The following CDH12 variants were observed in gnomAD, a reference collection of about 807,000 sequenced individuals.
The protein encoded by CDH12 is cadherin-12.
In CDH12, 41 loss-of-function variants were observed where a neutral mutation model predicts 74.1. That is an observed-to-expected ratio of 0.55 (90% confidence interval 0.43 to 0.72). The LOEUF (loss-of-function observed/expected upper bound fraction) is 0.72. CDH12 is among the 30% of genes least tolerant of loss of function. The pLI, the probability that CDH12 is intolerant of heterozygous loss-of-function variation, is 0.00. For synonymous variants in CDH12, 399 were observed against 355.0 expected (o/e 1.12, Z -1.39); for missense variants, 945 against 977.2 (o/e 0.97, Z 0.44).
chr5:22,580,279 T>G lies in CDH12; in HGVS notation c.-522-74915A>C, dbSNP rs115050509. ...CTCAGATAATCATTCAAACATTGGA[T>G]GGCAAAGAGGTCGTCGATGTCAAGC... is the stretch of plus-strand genomic sequence containing the variant. On this transcript the variant is annotated intron_variant, in intron 1 of 14. Coordinates refer to ENST00000382254, the MANE Select transcript of CDH12 (RefSeq NM_004061.5). 3,088 of 370,036 alleles carry G rather than the reference T, an allele frequency of 8.3e-3. 25 individuals are homozygous for G. The highest frequency in any genetic ancestry group is 9.4e-3 in the Non-Finnish European group (1,730 of 183,622). 22.9% of individuals were successfully genotyped at this position (370,036 alleles called of 1,614,324 possible).
chr5:22,195,376 G>A (rs2150349970), intron 4 of CDH12, among the ~76,000 whole-genome samples: 1 of 152,192 alleles, frequency 6.6e-6, no homozygotes, highest in East Asian at 1.9e-4. Flanking sequence ...ATTAAAGAGT[G>A]ACAAAAATTG....
chr5:22,387,849 T>A (rs1332834071), intron 3 of CDH12, among the ~76,000 whole-genome samples: 1 of 152,176 alleles, frequency 6.6e-6, no homozygotes, highest in East Asian at 1.9e-4. Flanking sequence ...AGAGCTTTTT[T>A]CTTTTTATGT....
At chr5:22,846,097 A>G (rs897677430) in intron 1 of CDH12, among the ~76,000 whole-genome samples, 1 of 152,148 alleles carries the variant, frequency 6.6e-6, no homozygotes, top group African/African-American at 2.4e-5. Context: ...TGGAATGGAG[A>G]GGAGCAAAGT....
intron 4 of CDH12, among the ~76,000 whole-genome samples, chr5:22,162,824 C>T (rs1391193516): frequency 6.6e-6 from 1 of 151,302 alleles, no homozygotes; most frequent in Non-Finnish European, 1.5e-5. Context: ...ACCTAGCTCT[C>T]AATACACCCT....
chr5:22,632,445 A>G (rs1159216108), intron 1 of CDH12, among the ~76,000 whole-genome samples: 1 of 152,208 alleles, frequency 6.6e-6, no homozygotes, highest in Non-Finnish European at 1.5e-5. Context: ...ATCACCAAAT[A>G]CAGAGCAACA....
chr5:22,663,427 A>C (rs1740449111), intron 1 of CDH12, among the ~76,000 whole-genome samples: 1 of 152,302 alleles, frequency 6.6e-6, no homozygotes, highest in South Asian at 2.1e-4. Context: ...ATAGCCTAAA[A>C]ACCCACACAT....
intron 1 of CDH12, among the ~76,000 whole-genome samples, chr5:22,596,729 A>G (rs1411745273): frequency 6.6e-6 from 1 of 152,188 alleles, no homozygotes; most frequent in East Asian, 1.9e-4. Flanking sequence ...GGAATTTACT[A>G]ATTTACAGGC....
At chr5:22,319,846 G>C (rs1404040254) in intron 3 of CDH12, among the ~76,000 whole-genome samples, 1 of 151,750 alleles carries the variant, frequency 6.6e-6, no homozygotes, top group Non-Finnish European at 1.5e-5. Context: ...AAAGGGGAAG[G>C]AAGAGGAGGG....
chr5:22,375,334 A>G (rs984493629), intron 3 of CDH12, among the ~76,000 whole-genome samples: 3 of 152,182 alleles, frequency 2.0e-5, no homozygotes, highest in Non-Finnish European at 4.4e-5. Flanking sequence ...CTGAAACTAT[A>G]AAATTATTAG....
intron 2 of CDH12, among the ~76,000 whole-genome samples, chr5:22,469,815 T>C (rs1745883477): frequency 6.6e-6 from 1 of 152,148 alleles, no homozygotes; most frequent in African/African-American, 2.4e-5. Context: ...AGTCAATGTG[T>C]CCAAACACTC....
At chr5:21,869,305 T>C (rs1327228252) in intron 6 of CDH12, among the ~76,000 whole-genome samples, 2 of 152,074 alleles carry the variant, frequency 1.3e-5, no homozygotes, top group African/African-American at 4.8e-5. Flanking sequence ...TCAATCTATG[T>C]AGGACCAGGA....
intron 8 of CDH12, among the ~76,000 whole-genome samples, chr5:21,819,329 G>A (rs1748233977): frequency 6.6e-6 from 1 of 151,998 alleles, no homozygotes; most frequent in Non-Finnish European, 1.5e-5. Flanking sequence ...ATGTGACAAA[G>A]TTATTACAGT....
intron 6 of CDH12, among the ~76,000 whole-genome samples, chr5:21,881,660 C>T (rs1424109768): frequency 2.0e-5 from 3 of 152,064 alleles, no homozygotes; most frequent in Admixed American, 2.0e-4. Flanking sequence ...CTTAAGTAAA[C>T]AAATAGTCTA....
intron 4 of CDH12, among the ~76,000 whole-genome samples, chr5:22,205,247 T>G (rs2150357838): frequency 6.6e-6 from 1 of 152,256 alleles, no homozygotes; most frequent in Admixed American, 6.5e-5. Flanking sequence ...GAGGATAAAC[T>G]CTGTAACAGA....
chr5:21,766,842 A>T (rs548633612), intron 11 of CDH12, among the ~76,000 whole-genome samples: 35 of 152,014 alleles, frequency 2.3e-4, no homozygotes, highest in African/African-American at 8.4e-4. Context: ...TTTAGACTTT[A>T]CAGCAACTAT....
chr5:22,191,645 A>G (rs1750303542), intron 4 of CDH12, among the ~76,000 whole-genome samples: 1 of 25,218 alleles, frequency 4.0e-5, no homozygotes. Context: ...GCTCACTGCA[A>G]GCTCCGCCTC....
intron 1 of CDH12, among the ~76,000 whole-genome samples, chr5:22,714,848 C>T (rs987970833): frequency 2.6e-5 from 4 of 152,138 alleles, no homozygotes; most frequent in South Asian, 2.1e-4. Flanking sequence ...GGCTTAACAA[C>T]GTACTTTGTT....
chr5:22,445,054 A>G lies in CDH12; in HGVS notation c.-427-39703T>C, dbSNP rs1176426542. ...TTTCTATAATAAAATAAATGGATTA[A>G]CAATTTTTTAAATGTAGACAATGTA... On this transcript the variant is annotated intron_variant, in intron 2 of 14. Transcript: ENST00000382254. Among the ~76,000 whole-genome samples, 3 of 152,052 alleles carry G rather than the reference A, an allele frequency of 2.0e-5. No homozygotes were observed. The East Asian group carries it at 5.8e-4, about 29-fold the overall frequency.
At chr5:22,668,372 T>C (rs1182065290) in intron 1 of CDH12, among the ~76,000 whole-genome samples, 1 of 152,224 alleles carries the variant, frequency 6.6e-6, no homozygotes, top group Non-Finnish European at 1.5e-5. Flanking sequence ...TACTTTCTCT[T>C]TTTTTAAATC....
Sources: allele counts gnomAD v4.1 joint callset (sites outside exome capture counted in the v4.1 genomes callset), GRCh38; gene constraint gnomAD v4.1.1; transcripts MANE v1.5; gene names NCBI Gene and HGNC (gene_info 2026-07-23, HGNC 2026-07-21).